KCNJ6: variants seen among roughly 807,000 people sequenced by gnomAD.
KCNJ6 encodes G protein-activated inward rectifier potassium channel 2.
A neutral mutation model predicts 34.2 loss-of-function variants in KCNJ6; 9 were observed. The observed-to-expected ratio is 0.26, with a 90% CI of 0.16 to 0.46. KCNJ6 has a LOEUF of 0.46. Among genes scored for constraint, KCNJ6 ranks in the 20% least tolerant of loss-of-function variants. The probability of loss-of-function intolerance (pLI) is 1.00; values close to 1 mark genes in which losing one functional copy is unlikely to be tolerated. For missense variants in KCNJ6, 236 were observed against 531.3 expected, an observed-to-expected ratio of 0.44 and a Z score of 5.46; for synonymous variants, 196 against 207.1, an observed-to-expected ratio of 0.95 and a Z score of 0.46.
At chr21:37,643,868 T>C (rs1045148706) in intron 3 of KCNJ6, among the ~76,000 whole-genome samples, 5 of 152,216 alleles carry the variant, frequency 3.3e-5, no homozygotes, top group Non-Finnish European at 5.9e-5. Context: ...GCAGTCCCAT[T>C]ACTGGGTACA....
intron 2 of KCNJ6, among the ~76,000 whole-genome samples, chr21:37,756,736 GGAGTGAGCACTCCCTCACAGCA>G (rs2055029006): frequency 3.4e-5 from 2 of 58,774 alleles, no homozygotes. Context: ...ATTCAAGCCC[GGAGTGAGCACTCCCTCACAGCA>G]TGATGGTTCC....
At chr21:37,802,526 TG>T (rs1196935702) in intron 2 of KCNJ6, among the ~76,000 whole-genome samples, 5 of 152,162 alleles carry the variant, frequency 3.3e-5, no homozygotes, top group Non-Finnish European at 5.9e-5. Context: ...GAGGCTATGC[TG>T]CCAGCTTTGA....
At chr21:37,656,146 C>T (rs1018442541) in intron 3 of KCNJ6, among the ~76,000 whole-genome samples, 1 of 152,190 alleles carries the variant, frequency 6.6e-6, no homozygotes, top group Non-Finnish European at 1.5e-5. Context: ...AAATGATACA[C>T]CCCTGCTCCA....
chr21:37,639,175 G>T (rs1407272371), intron 3 of KCNJ6, among the ~76,000 whole-genome samples: 1 of 152,130 alleles, frequency 6.6e-6, no homozygotes, highest in Non-Finnish European at 1.5e-5. Context: ...AAGATTATTT[G>T]TCTTAAGACT....
intron 2 of KCNJ6, among the ~76,000 whole-genome samples, chr21:37,803,857 C>A (rs2055281199): frequency 6.6e-6 from 1 of 152,166 alleles, no homozygotes; most frequent in Admixed American, 6.5e-5. Context: ...CCATCTCACT[C>A]CTTCATGGGA....
At chr21:37,821,816 C>T (rs1298440512) in intron 2 of KCNJ6, among the ~76,000 whole-genome samples, 1 of 152,086 alleles carries the variant, frequency 6.6e-6, no homozygotes, top group African/African-American at 2.4e-5. Context: ...TTTATTTTAT[C>T]CAGAAAGAAT....
At chr21:37,801,731 A>AT (rs11395894) in intron 2 of KCNJ6, among the ~76,000 whole-genome samples, 65,980 of 151,604 alleles carry the variant, frequency 0.44, 15,993 homozygotes, top group Non-Finnish European at 0.52. Context: ...CAGCACTGTG[A>AT]TTTTTTTTAA....
Position 37,714,188 on chromosome 21 carries a change from T to C in KCNJ6, c.946+23A>G. The C allele has an allele frequency of 6.5e-7, 1 of 1,549,764 alleles. No homozygotes were observed. Among genetic ancestry groups the C allele is most frequent in the Non-Finnish European group, 8.9e-7 (1 of 1,125,974 alleles). ...AAAATGAGCATCTATCCCACAGCCA[T>C]CCCAGGATAGAACACATCTTACCTG... On this transcript the variant is annotated intron_variant, in intron 3 of 3. Transcript: ENST00000609713. The surrounding 1 kb of genome is among the most constrained non-coding windows in gnomAD (Gnocchi z 5.9).
chr21:37,632,539 C>T (rs556526147), intron 3 of KCNJ6, among the ~76,000 whole-genome samples: 1 of 151,966 alleles, frequency 6.6e-6, no homozygotes, highest in Admixed American at 6.5e-5. Flanking sequence ...AAATATAAAA[C>T]AAGTCAACCA....
chr21:37,763,244 G>A (rs2055074738), intron 2 of KCNJ6, among the ~76,000 whole-genome samples: 1 of 152,114 alleles, frequency 6.6e-6, no homozygotes, highest in South Asian at 2.1e-4. Context: ...CCTGCTTGTA[G>A]GGGGGGCCTG....
chr21:37,664,266 C>T lies in KCNJ6; in HGVS notation c.947-38782G>A, dbSNP rs947619846. Among the ~76,000 whole-genome samples the T allele has an allele frequency of 3.3e-5, 5 of 151,692 alleles. No individual in the cohort carries two copies. The South Asian group carries it at 6.2e-4, about 19-fold the overall frequency. On this transcript the variant is annotated intron_variant, in intron 3 of 3. Coordinates refer to ENST00000609713, the MANE Select transcript of KCNJ6 (RefSeq NM_002240.5). ...AAAAAGAAGAAAGAAAAATAATGAG[C>T]GAAACACCCACTTTAAGAAATTAGA... is the stretch of plus-strand genomic sequence containing the variant.
At chr21:37,853,853 T>TATATATAC (rs1555850341) in intron 1 of KCNJ6, among the ~76,000 whole-genome samples, 1 of 142,292 alleles carries the variant, frequency 7.0e-6, no homozygotes, top group Non-Finnish European at 1.5e-5. Context: ...TATGTATATA[T>TATATATAC]ATATATATAA....
intron 3 of KCNJ6, among the ~76,000 whole-genome samples, chr21:37,701,908 T>G (rs1391566886): frequency 2.6e-5 from 4 of 152,040 alleles, no homozygotes; most frequent in Non-Finnish European, 5.9e-5. Context: ...TTTAAGCAAG[T>G]GAGGTGATTT....
intron 2 of KCNJ6, among the ~76,000 whole-genome samples, chr21:37,776,345 C>T (rs147612726): frequency 1.8e-4 from 27 of 152,286 alleles, no homozygotes; most frequent in African/African-American, 6.3e-4. Flanking sequence ...TTATTACCTT[C>T]TCCTGCCTGA....
At chr21:37,803,640 G>A (rs1337464467) in intron 2 of KCNJ6, among the ~76,000 whole-genome samples, 2 of 152,294 alleles carry the variant, frequency 1.3e-5, no homozygotes, top group East Asian at 3.9e-4. Context: ...TGGCAGAGAA[G>A]TGCCCTCCTC....
chr21:37,761,207 TTGTGTGTGTGTGTGCATGTCTGTG>T (rs1568838614), intron 2 of KCNJ6, among the ~76,000 whole-genome samples: 2 of 150,168 alleles, frequency 1.3e-5, no homozygotes, highest in Admixed American at 1.3e-4. Flanking sequence ...TGTGTATGTA[TTGTGTGTGTGTGTGCATGTCTGTG>T]TGTGTGGTGT....
chr21:37,807,827 A>G lies in KCNJ6; in HGVS notation c.25+32831T>C, dbSNP rs533949727. On this transcript the variant is annotated intron_variant, in intron 2 of 3. Coordinates refer to ENST00000609713, the MANE Select transcript of KCNJ6 (RefSeq NM_002240.5). The stretch of plus-strand genomic sequence containing the variant: ...TCCGCAGGCCCAGAGCTCTGTTGGG[A>G]GACATGGTTGTGCCTTGGAGCCTCC... Among the ~76,000 whole-genome samples the G allele has an allele frequency of 2.6e-5, 4 of 152,288 alleles. No individual in the cohort carries two copies. In the South Asian group the frequency reaches 8.3e-4, roughly 32 times the overall value.
intron 2 of KCNJ6, among the ~76,000 whole-genome samples, chr21:37,780,751 G>A (rs1442427811): frequency 6.6e-6 from 1 of 152,094 alleles, no homozygotes; most frequent in Non-Finnish European, 1.5e-5. Flanking sequence ...GTAACACAAA[G>A]GATAAATGCT....
At chr21:37,847,349 G>T (rs191616164) in intron 1 of KCNJ6, among the ~76,000 whole-genome samples, 33 of 152,242 alleles carry the variant, frequency 2.2e-4, no homozygotes, top group Admixed American at 2.0e-3. Flanking sequence ...CACACGGCTG[G>T]TGAGGAGTAG....
Sources: allele counts gnomAD v4.1 joint callset (sites outside exome capture counted in the v4.1 genomes callset), GRCh38; gene constraint gnomAD v4.1.1; non-coding constraint Gnocchi (gnomAD v3.1); transcripts MANE v1.5; gene names NCBI Gene and HGNC (gene_info 2026-07-23, HGNC 2026-07-21).